The following TG variants were observed in gnomAD, a reference collection of about 807,000 sequenced individuals.
TG encodes the protein thyroid hormones.
In TG, 270 loss-of-function variants were observed where a neutral mutation model predicts 324.7. The observed-to-expected ratio is 0.83, with a 90% CI of 0.75 to 0.92. The LOEUF (loss-of-function observed/expected upper bound fraction) is 0.92, where lower values mean the gene tolerates loss of function less well. Ranked by LOEUF, TG falls within the 40% of genes least tolerant of loss-of-function variation. TG has a pLI of 0.00. For synonymous variants in TG, 1,401 were observed against 1,327.0 expected (o/e 1.06, Z -1.21); for missense variants, 3,591 against 3,456.4 (o/e 1.04, Z -0.98).
chr8:132,919,054 A>G (rs966948451), intron 20 of TG, among the ~76,000 whole-genome samples: 20 of 152,214 alleles, frequency 1.3e-4, no homozygotes, highest in Admixed American at 3.9e-4. Flanking sequence ...GTTATTTGGC[A>G]AATTCTCAAG....
Position 132,966,698 on chromosome 8 carries a change from G to T in TG, c.5686+1G>T, listed in dbSNP as rs374620255. 1.1e-5 allele frequency: 17 copies of T among 1,613,854 alleles called. No individual in the cohort carries two copies. The highest frequency in any genetic ancestry group is 3.3e-5 in the Admixed American group (2 of 59,980). ...CAGGCAAACCTATGGTGCCTTTCTCGTAAGTATCCTTAGAACTCATTCTTC... is the reference window on the plus strand; with the variant it reads ...CAGGCAAACCTATGGTGCCTTTCTCTTAAGTATCCTTAGAACTCATTCTTC... On this transcript the variant is annotated splice_donor_variant, in intron 30 of 47. Transcript: ENST00000220616. LOFTEE classifies it high-confidence loss of function.
intron 23 of TG, 37 bp downstream of exon 23, chr8:132,929,229 G>C (rs371157373): frequency 4.6e-6 from 7 of 1,521,974 alleles, no homozygotes; most frequent in African/African-American, 2.7e-5. Context: ...TCAGAAGAAG[G>C]TGTGGAAATA....
chr8:133,064,984 T>C (rs1374993374), intron 41 of TG, among the ~76,000 whole-genome samples: 1 of 152,120 alleles, frequency 6.6e-6, no homozygotes, highest in South Asian at 2.1e-4. Flanking sequence ...TTGGTGACAG[T>C]TAGAATTAAT....
At chr8:132,966,173 G>T (rs1038810340) in intron 29 of TG, among the ~76,000 whole-genome samples, 3 of 152,192 alleles carry the variant, frequency 2.0e-5, no homozygotes, top group Non-Finnish European at 4.4e-5. Flanking sequence ...GGAGTGGGCT[G>T]CTGTGGTTAG....
chr8:132,941,253 G>A, intron 25 of TG, 98 bp from the exon 26 acceptor site: 1 of 1,435,172 alleles, frequency 7.0e-7, no homozygotes, highest in Non-Finnish European at 9.8e-7. Flanking sequence ...GAGCACTGTT[G>A]CAGCTAAGTC....
In TG at chr8:132,922,816, A is replaced by G. The variant is rs994559517; in HGVS notation, c.4529-522A>G. Among the ~76,000 whole-genome samples the G allele has an allele frequency of 2.0e-5, 3 of 152,272 alleles. No homozygotes were observed. The South Asian group carries it at 6.2e-4, about 32-fold the overall frequency. On this transcript the variant is annotated intron_variant, in intron 21 of 47. Coordinates refer to ENST00000220616, the MANE Select transcript of TG (RefSeq NM_003235.5). Reference sequence around the variant, plus strand: ...TTAAAGGGTACAAATCTCATTCATGAGTGTTCCACTCTCATGATCTAGTCA... The same window carrying G: ...TTAAAGGGTACAAATCTCATTCATGGGTGTTCCACTCTCATGATCTAGTCA...
At chr8:132,885,091 A>G (rs1207575105) in intron 8 of TG, among the ~76,000 whole-genome samples, 1 of 149,472 alleles carries the variant, frequency 6.7e-6, no homozygotes, top group Admixed American at 6.7e-5. Flanking sequence ...TCTTTTTGGC[A>G]TTTATGTGAA....
At chr8:133,124,843 G>A (rs1851400329) in intron 45 of TG, among the ~76,000 whole-genome samples, 1 of 152,176 alleles carries the variant, frequency 6.6e-6, no homozygotes, top group African/African-American at 2.4e-5. Context: ...AGACACTACT[G>A]TGCATTCCAG....
chr8:132,875,612 G>A (rs538000158), intron 5 of TG, among the ~76,000 whole-genome samples: 1 of 152,318 alleles, frequency 6.6e-6, no homozygotes, highest in South Asian at 2.1e-4. Flanking sequence ...ACCCTGGTGT[G>A]TGCCACACTG....
At chr8:133,051,046 C>G (rs1057488234) in intron 41 of TG, 1 of 628,216 alleles carries the variant, frequency 1.6e-6, no homozygotes, top group Non-Finnish European at 2.9e-6. Flanking sequence ...TTTTGAACCA[C>G]CAATTTACAG....
intron 6 of TG, 98 bp from the exon 7 acceptor site, chr8:132,882,371 T>C (rs1161218042): frequency 7.2e-7 from 1 of 1,383,144 alleles, no homozygotes; most frequent in African/African-American, 1.4e-5. Flanking sequence ...CTAATGATGC[T>C]GGTGAAGGCT....
chr8:132,972,442 T>C (rs117318523), intron 33 of TG, 156 bp from the exon 34 acceptor site: 1 of 848,450 alleles, frequency 1.2e-6, no homozygotes, highest in Non-Finnish European at 1.8e-6. Flanking sequence ...AGGTACCAGG[T>C]TTTTCAGCAG....
intron 37 of TG, among the ~76,000 whole-genome samples, chr8:133,016,448 T>A (rs1232408931): frequency 2.6e-5 from 4 of 152,172 alleles, no homozygotes; most frequent in African/African-American, 9.7e-5. Context: ...GTGGGCAAAA[T>A]TACTTCCAGT....
At chr8:133,042,678 CTTTTTTTTTTTTTTTTTTTT>C (rs58739514) in intron 41 of TG, among the ~76,000 whole-genome samples, 1 of 56,732 alleles carries the variant, frequency 1.8e-5, no homozygotes, top group Non-Finnish European at 3.2e-5. Flanking sequence ...CATTCTGTGT[CTTTTTTTTTTTTTTTTTTTT>C]TTTTTTTTTT....
At chr8:133,049,470 C>A in intron 41 of TG, 1 of 286,554 alleles carries the variant, frequency 3.5e-6, no homozygotes. Context: ...CCCTGTCGTT[C>A]TATGTTATGA....
intron 34 of TG, among the ~76,000 whole-genome samples, chr8:132,976,154 G>C (rs190321985): frequency 0.013 from 2,020 of 152,282 alleles, 28 homozygotes; most frequent in South Asian, 0.045. Context: ...TTGTGCTTGG[G>C]AGGTGTCTTA....
At position 132,923,537 on chromosome 8, in the gene TG, G is replaced by A. The variant is rs762438755; in HGVS notation, c.4699+29G>A. ...GGTGCTGGGGGTGAAATCAGTCATG[G>A]TTCCTGGGGACTGGGGAGTAGTCTC... On this transcript the variant is annotated intron_variant, in intron 22 of 47. Transcript: ENST00000220616. 6 of 1,607,718 alleles carry A rather than the reference G, an allele frequency of 3.7e-6. No homozygotes were observed. The South Asian group carries it at 5.5e-5, about 15-fold the overall frequency.
intron 35 of TG, among the ~76,000 whole-genome samples, chr8:133,006,252 A>G (rs577197580): frequency 1.4e-3 from 216 of 152,362 alleles, no homozygotes; most frequent in Non-Finnish European, 1.9e-3. Flanking sequence ...GTCTCCAGCA[A>G]TCATGGCCAA....
At chr8:133,131,507 A>C (rs1022427742) in intron 45 of TG, among the ~76,000 whole-genome samples, 3 of 152,208 alleles carry the variant, frequency 2.0e-5, no homozygotes, top group African/African-American at 7.2e-5. Flanking sequence ...TCGTGGTTAG[A>C]ATATGACCCA....
Sources: allele counts gnomAD v4.1 joint callset (sites outside exome capture counted in the v4.1 genomes callset), GRCh38; gene constraint gnomAD v4.1.1; transcripts MANE v1.5; gene names NCBI Gene and HGNC (gene_info 2026-07-23, HGNC 2026-07-21).